Variants in TINAG observed in about 807,000 individuals in gnomAD.
The protein encoded by TINAG is tubulointerstitial nephritis antigen.
In TINAG, 83 loss-of-function variants were observed where a neutral mutation model predicts 72.7. The observed-to-expected ratio is 1.14, with a 90% CI of 0.96 to 1.37. The LOEUF is 1.37. TINAG is among the 40% of genes most tolerant of loss of function. The pLI is 0.00. For synonymous variants in TINAG, 234 were observed against 189.9 expected, an observed-to-expected ratio of 1.23 and a Z score of -1.91; for missense variants, 685 against 576.6, an observed-to-expected ratio of 1.19 and a Z score of -1.93.
chr6:54,361,599 A>G (rs1763239897), intron 9 of TINAG, among the ~76,000 whole-genome samples: 1 of 151,702 alleles, frequency 6.6e-6, no homozygotes, highest in Non-Finnish European at 1.5e-5. Context: ...GTAATTCAAC[A>G]TGAGATTTAG....
intron 9 of TINAG, among the ~76,000 whole-genome samples, chr6:54,373,449 C>A (rs1562181797): frequency 6.6e-6 from 1 of 152,044 alleles, no homozygotes; most frequent in Non-Finnish European, 1.5e-5. Flanking sequence ...CTTTTTCTGC[C>A]TTTTTCTAGT....
chr6:54,327,126 C>G (rs1248306661), intron 4 of TINAG: 1 of 1,549,044 alleles, frequency 6.5e-7, no homozygotes. Flanking sequence ...ACCAATTAGA[C>G]ATAGTCTCCT....
chr6:54,348,484 C>G (rs539235953), intron 6 of TINAG, among the ~76,000 whole-genome samples: 8 of 152,132 alleles, frequency 5.3e-5, no homozygotes, highest in African/African-American at 1.9e-4. Context: ...GTGTCTTCAA[C>G]GCAAACACTG....
Position 54,354,511 on chromosome 6 carries a change from A to G in TINAG, c.1127-2A>G. ...CATTTGTTCTGTTGGATTTTATTTT[A>G]GCCATAATGCAAGTCCGTGAAGATT... is the stretch of plus-strand genomic sequence containing the variant. On this transcript the variant is annotated splice_acceptor_variant, in intron 8 of 10. Coordinates refer to ENST00000259782, the MANE Select transcript of TINAG (RefSeq NM_014464.4). LOFTEE classifies it high-confidence loss of function. 1 of 1,596,358 alleles carries G rather than the reference A, an allele frequency of 6.3e-7. No individual in the cohort carries two copies. The highest frequency in any genetic ancestry group is 8.5e-7 in the Non-Finnish European group (1 of 1,173,618).
intron 6 of TINAG, 48 bp from the exon 7 acceptor site, chr6:54,349,668 C>A (rs371742365): frequency 1.4e-6 from 2 of 1,411,826 alleles, no homozygotes; most frequent in South Asian, 1.5e-5. Context: ...AAGGATATTA[C>A]GACATTCTCC....
At chr6:54,333,159 AC>A (rs1194029326) in intron 4 of TINAG, among the ~76,000 whole-genome samples, 1 of 152,216 alleles carries the variant, frequency 6.6e-6, no homozygotes, top group Non-Finnish European at 1.5e-5. Context: ...CTATAAAGAC[AC>A]ATGTACACAT....
chr6:54,337,246 A>ATTTTTTTTTTTTTTTTT (rs34286210), intron 4 of TINAG, among the ~76,000 whole-genome samples: 2 of 94,088 alleles, frequency 2.1e-5, no homozygotes, highest in East Asian at 6.6e-4. Context: ...TGGGATTTGA[A>ATTTTTTTTTTTTTTTTT]TTTTTTTTTT....
rs1238639813 is a variant in TINAG at position 54,354,611 on chromosome 6, C to T, written c.1225C>T (p.Gln409Ter). Residue 409 changes from glutamine (Q) to a stop codon, truncating the protein, a stop_gained, in exon 9 of 11, where the codon CAG becomes TAG. Coordinates refer to ENST00000259782, the MANE Select transcript of TINAG (RefSeq NM_014464.4). LOFTEE classifies it high-confidence loss of function. Reference sequence around the variant, plus strand: ...AGAATCAGAAAAATATCGAAAGCTTCAGACACATGCAGTCAAACTCACTGG... The same window carrying T: ...AGAATCAGAAAAATATCGAAAGCTTTAGACACATGCAGTCAAACTCACTGG... ...NKESEKYRKL[Q>*]THAVKLTGWG... is the part of the protein sequence containing the mutation. 3.1e-6 allele frequency: 5 copies of T among 1,610,034 alleles called. No homozygotes were observed. The highest frequency in any genetic ancestry group is 1.3e-5 in the African/African-American group (1 of 74,594).
At chr6:54,328,012 C>A (rs1034133008) in intron 4 of TINAG, among the ~76,000 whole-genome samples, 1 of 152,116 alleles carries the variant, frequency 6.6e-6, no homozygotes, top group Non-Finnish European at 1.5e-5. Flanking sequence ...GACGGAGCAC[C>A]TAGGGGAAGG....
intron 9 of TINAG, among the ~76,000 whole-genome samples, chr6:54,357,346 G>A (rs1029191336): frequency 2.6e-5 from 4 of 151,772 alleles, no homozygotes; most frequent in South Asian, 2.1e-4. Flanking sequence ...CTGGCTTTAA[G>A]TGCCATCTAA....
At chr6:54,374,013 T>C (rs1307047494) in intron 9 of TINAG, among the ~76,000 whole-genome samples, 1 of 152,108 alleles carries the variant, frequency 6.6e-6, no homozygotes, top group Non-Finnish European at 1.5e-5. Context: ...GCATAGTAAA[T>C]ACAGAAGGAC....
At chr6:54,386,452 C>A (rs934861604) in intron 10 of TINAG, among the ~76,000 whole-genome samples, 3 of 152,060 alleles carry the variant, frequency 2.0e-5, no homozygotes, top group African/African-American at 7.2e-5. Flanking sequence ...TGTTGGTAGA[C>A]GTGTTTTTTT....
rs1053661019 is a variant in TINAG, at chr6:54,362,697, G to A, written c.1250+8061G>A. Among the ~76,000 whole-genome samples the A allele has an allele frequency of 2.6e-5, 4 of 151,620 alleles. No individual in the cohort carries two copies. The South Asian group carries it at 8.3e-4, about 31-fold the overall frequency. ...ACCTGCCATAGATAATTATTTCTCT[G>A]ATGGATCTTGGCAAACTCAATTGAA... On this transcript the variant is annotated intron_variant, in intron 9 of 10. Transcript: ENST00000259782.
chr6:54,333,716 C>T (rs915741148), intron 4 of TINAG, among the ~76,000 whole-genome samples: 6 of 152,022 alleles, frequency 3.9e-5, no homozygotes, highest in Admixed American at 6.6e-5. Context: ...ATACAAATTT[C>T]GGATTACTGG....
chr6:54,368,316 TTAAG>T lies in TINAG; in HGVS notation c.1251-12206_1251-12203del, dbSNP rs1763498053. Reference sequence around the variant, plus strand: ...TATATGTTATATATTAAAGTAATTATTAAGTAATAATCAAATAATAATTTAAATA... The same window carrying T: ...TATATGTTATATATTAAAGTAATTATTAATAATCAAATAATAATTTAAATA... On this transcript the variant is annotated intron_variant, in intron 9 of 10. Transcript: ENST00000259782. Among the ~76,000 whole-genome samples the T allele has an allele frequency of 2.0e-5, 3 of 147,754 alleles. No homozygotes were observed. In the Admixed American group the frequency reaches 2.0e-4, roughly 10 times the overall value.
At chr6:54,358,223 A>C (rs149685157) in intron 9 of TINAG, among the ~76,000 whole-genome samples, 1 of 151,956 alleles carries the variant, frequency 6.6e-6, no homozygotes, top group African/African-American at 2.4e-5. Context: ...CTGCTCCAGC[A>C]ATCCTGATCC....
intron 6 of TINAG, 115 bp from the exon 7 acceptor site, chr6:54,349,601 G>T: frequency 1.1e-6 from 1 of 915,818 alleles, no homozygotes. Context: ...TGAAAATTAT[G>T]CATGTAAGTA....
chr6:54,346,685 G>A lies in TINAG; in HGVS notation c.749-682G>A, dbSNP rs566100321. Reference sequence around the variant, plus strand: ...TCGTTTTATATATATGTATAAACAAGCTGAATTCCATGTCTACTAAAACAA... The same window carrying A: ...TCGTTTTATATATATGTATAAACAAACTGAATTCCATGTCTACTAAAACAA... On this transcript the variant is annotated intron_variant, in intron 5 of 10. Transcript: ENST00000259782. 6.7e-4 allele frequency among the ~76,000 whole-genome samples: 101 copies of A among 151,776 alleles called. 3 individuals are homozygous for A. The South Asian group carries it at 0.021, about 31-fold the overall frequency.
rs555698349 is a variant in TINAG at position 54,388,458 on chromosome 6, G to A, written c.1297-1333G>A. 9.2e-4 allele frequency among the ~76,000 whole-genome samples: 140 copies of A among 152,244 alleles called. 1 individual carries two copies. The highest frequency in any genetic ancestry group is 3.3e-3 in the African/African-American group (137 of 41,556). On this transcript the variant is annotated intron_variant, in intron 10 of 10. Coordinates refer to ENST00000259782, the MANE Select transcript of TINAG (RefSeq NM_014464.4). Reference sequence around the variant, plus strand: ...GGCTATTTCTTAAAGTTGATGTCATGGCAATTTCTGATGCTGAGTCAATCT... The same window carrying A: ...GGCTATTTCTTAAAGTTGATGTCATAGCAATTTCTGATGCTGAGTCAATCT...
Sources: allele counts gnomAD v4.1 joint callset (sites outside exome capture counted in the v4.1 genomes callset), GRCh38; gene constraint gnomAD v4.1.1; transcripts MANE v1.5; gene names NCBI Gene and HGNC (gene_info 2026-07-23, HGNC 2026-07-21).